TADA2A: variants seen among roughly 807,000 people sequenced by gnomAD.
TADA2A encodes the protein transcriptional adaptor 2A.
A neutral mutation model predicts 67.4 loss-of-function variants in TADA2A; 38 were observed. The ratio of observed to expected loss-of-function variants is 0.56; its 90% CI spans 0.44 to 0.74. The LOEUF is 0.74. Among genes scored for constraint, TADA2A ranks in the 30% least tolerant of loss-of-function variants. The pLI, the probability that TADA2A is intolerant of heterozygous loss-of-function variation, is 0.00. For synonymous variants in TADA2A, 192 were observed against 181.6 expected, an observed-to-expected ratio of 1.06 and a Z score of -0.46; for missense variants, 454 against 547.0, an observed-to-expected ratio of 0.83 and a Z score of 1.70.
In TADA2A at chr17:37,479,032, T is replaced by G. The variant is rs2053940905; in HGVS notation, c.*2050T>G. The G allele has an allele frequency of 6.6e-6, 1 of 152,188 alleles. No individual in the cohort carries two copies. Among genetic ancestry groups the G allele is most frequent in the African/African-American group, 2.4e-5 (1 of 41,432 alleles). The allele number at this position is 152,188 out of a possible 1,614,324, so 9.4% of individuals were successfully genotyped here. ...GAAAGGAAACTCCTGTTCTGAAAAG[T>G]TGGGATGCATTAGCCATCAGTGTTA... On this transcript the variant is annotated 3_prime_UTR_variant, in exon 16 of 16. Coordinates refer to ENST00000615182, the MANE Select transcript of TADA2A (RefSeq NM_001166105.3).
chr17:37,412,701 T>G (rs1036193497), intron 2 of TADA2A, among the ~76,000 whole-genome samples: 45 of 151,760 alleles, frequency 3.0e-4, no homozygotes, highest in African/African-American at 9.7e-4. Flanking sequence ...GAGAATCGCT[T>G]GAACCTGGGA....
At position 37,462,162 on chromosome 17, in the gene TADA2A, A is replaced by G. The variant is rs757009354; in HGVS notation, c.712+41A>G. ...TTTCTTTATTTTACAATTTTTTTCC[A>G]ATATTATTGAATAATTTTAAATAAA... On this transcript the variant is annotated intron_variant, in intron 10 of 15. Transcript: ENST00000615182. 23 of 1,285,878 alleles carry G rather than the reference A, an allele frequency of 1.8e-5. No homozygotes were observed. The East Asian group carries it at 5.0e-4, about 28-fold the overall frequency. 79.7% of individuals were successfully genotyped at this position (1,285,878 alleles called of 1,614,324 possible). A position where few individuals can be genotyped will look rare whatever the true frequency, so the allele number is the denominator to read the frequency against.
chr17:37,470,988 T>A (rs2148045500), intron 13 of TADA2A, 106 bp from the exon 14 acceptor site: 1 of 1,062,132 alleles, frequency 9.4e-7, no homozygotes, highest in East Asian at 2.4e-5. Context: ...CTCATTACAC[T>A]TCTTCAAGGT....
At chr17:37,455,082 G>C (rs139826110) in intron 8 of TADA2A, among the ~76,000 whole-genome samples, 1 of 152,222 alleles carries the variant, frequency 6.6e-6, no homozygotes, top group African/African-American at 2.4e-5. Context: ...AATACATTCA[G>C]TAATTAAAAC....
rs772954127 is a variant in TADA2A at position 37,411,421 on chromosome 17, C to A, written c.25+31C>A. ...TACAGTGGGAACAAGTCTCAGGTGA[C>A]TTATTATTATTTTTTTTTTGAGATG... is the stretch of plus-strand genomic sequence containing the variant. On this transcript the variant is annotated intron_variant, in intron 2 of 15. Transcript: ENST00000615182. 4 of 1,602,194 alleles carry A rather than the reference C, an allele frequency of 2.5e-6. No individual in the cohort carries two copies. The Admixed American group carries it at 5.0e-5, about 20-fold the overall frequency.
chr17:37,464,114 TAGTC>T (rs2053608603), intron 10 of TADA2A, among the ~76,000 whole-genome samples: 2 of 152,196 alleles, frequency 1.3e-5, no homozygotes, highest in Non-Finnish European at 2.9e-5. Flanking sequence ...CAGTTATTGT[TAGTC>T]AGTTTTACTC....
chr17:37,431,614 G>A (rs57561744), intron 4 of TADA2A, among the ~76,000 whole-genome samples: 18,888 of 145,322 alleles, frequency 0.13, 1,389 homozygotes, highest in East Asian at 0.25. Context: ...TTGCCCTGTC[G>A]CCCAGGCTGG....
At chr17:37,431,396 C>A (rs1400040068) in intron 4 of TADA2A, among the ~76,000 whole-genome samples, 1 of 150,708 alleles carries the variant, frequency 6.6e-6, no homozygotes, top group Non-Finnish European at 1.5e-5. Flanking sequence ...TCTCTTGGAT[C>A]TCATAATACA....
chr17:37,466,709 A>G (rs918946555), intron 11 of TADA2A, among the ~76,000 whole-genome samples: 6 of 152,040 alleles, frequency 3.9e-5, no homozygotes, highest in Non-Finnish European at 7.4e-5. Flanking sequence ...CCAGTTTGGG[A>G]CACACCCCTG....
intron 14 of TADA2A, among the ~76,000 whole-genome samples, chr17:37,473,528 G>T (rs758028581): frequency 6.6e-6 from 1 of 152,076 alleles, no homozygotes; most frequent in Non-Finnish European, 1.5e-5. Context: ...TCCACCAGTG[G>T]AGCTTGTAAC....
At chr17:37,444,579 T>C in intron 7 of TADA2A, 117 bp from the exon 8 acceptor site, 5 of 878,134 alleles carry the variant, frequency 5.7e-6, no homozygotes, top group Non-Finnish European at 9.1e-6. Flanking sequence ...ATATTTAGAC[T>C]TTTTAAACAA....
intron 14 of TADA2A, among the ~76,000 whole-genome samples, chr17:37,472,317 C>T (rs1043106268): frequency 6.6e-5 from 10 of 151,812 alleles, no homozygotes; most frequent in East Asian, 3.9e-4. Flanking sequence ...CTGCCTGCCT[C>T]GGCCTCCCAA....
intron 4 of TADA2A, among the ~76,000 whole-genome samples, chr17:37,437,489 T>TTG (rs2052766535): frequency 1.3e-5 from 2 of 149,252 alleles, no homozygotes; most frequent in Non-Finnish European, 3.0e-5. Context: ...GCAGTTCAAG[T>TTG]GATTCTCCTG....
intron 7 of TADA2A, among the ~76,000 whole-genome samples, chr17:37,443,515 A>C (rs2052984906): frequency 6.6e-6 from 1 of 152,118 alleles, no homozygotes; most frequent in African/African-American, 2.4e-5. Context: ...CGGCCTCCCA[A>C]AGTGCTAGGA....
intron 2 of TADA2A, among the ~76,000 whole-genome samples, chr17:37,418,704 G>A (rs2052132895): frequency 9.0e-6 from 1 of 111,480 alleles, no homozygotes; most frequent in African/African-American, 4.0e-5. Flanking sequence ...TGATTCTCCT[G>A]CCTCAGCCTC....
intron 1 of TADA2A, among the ~76,000 whole-genome samples, chr17:37,408,894 T>TA (rs757312009): frequency 2.6e-5 from 4 of 152,186 alleles, no homozygotes; most frequent in African/African-American, 7.2e-5. Context: ...TGCCCACACT[T>TA]AGTGATGAAT....
chr17:37,428,084 T>C (rs2052462113), intron 4 of TADA2A, among the ~76,000 whole-genome samples: 1 of 152,216 alleles, frequency 6.6e-6, no homozygotes, highest in South Asian at 2.1e-4. Context: ...ATGCAGTTGT[T>C]CTTACAGGAA....
chr17:37,465,067 G>T (rs1436355860), intron 10 of TADA2A, among the ~76,000 whole-genome samples: 1 of 150,278 alleles, frequency 6.7e-6, no homozygotes, highest in Non-Finnish European at 1.5e-5. Flanking sequence ...AGAATTGCTT[G>T]AATCCAGGAG....
At chr17:37,473,883 C>T (rs924646275) in intron 14 of TADA2A, among the ~76,000 whole-genome samples, 23 of 152,212 alleles carry the variant, frequency 1.5e-4, no homozygotes, top group Non-Finnish European at 7.3e-5. Context: ...AACAGTCTTT[C>T]TTTGATCTGA....
Sources: allele counts gnomAD v4.1 joint callset (sites outside exome capture counted in the v4.1 genomes callset), GRCh38; gene constraint gnomAD v4.1.1; transcripts MANE v1.5; gene names NCBI Gene and HGNC (gene_info 2026-07-23, HGNC 2026-07-21).